CILK1: variants seen among roughly 807,000 people sequenced by gnomAD.
The protein encoded by CILK1 is serine/threonine-protein kinase ICK.
Under a neutral mutation model 79.2 loss-of-function variants are expected in CILK1, and 47 were observed. That is an observed-to-expected ratio of 0.59 (90% CI 0.47 to 0.76). CILK1 has a LOEUF of 0.76. Ranked by LOEUF, CILK1 falls within the 30% of genes least tolerant of loss-of-function variation. CILK1 has a pLI of 0.00. For missense variants in CILK1, 660 were observed against 769.5 expected, an observed-to-expected ratio of 0.86 and a Z score of 1.68; for synonymous variants, 266 against 275.9, an observed-to-expected ratio of 0.96 and a Z score of 0.36.
intron 5 of CILK1, 111 bp from the exon 6 acceptor site, chr6:53,019,470 T>C: frequency 8.0e-7 from 1 of 1,244,064 alleles, no homozygotes; most frequent in Non-Finnish European, 1.1e-6. Context: ...TAGTCTGGCA[T>C]GGCACCAAAG....
At chr6:53,035,872 T>TGAA (rs1302106249) in intron 3 of CILK1, among the ~76,000 whole-genome samples, 2 of 152,074 alleles carry the variant, frequency 1.3e-5, no homozygotes, top group Non-Finnish European at 1.5e-5. Context: ...GCCTCCTTTC[T>TGAA]ACCTGCTTCT....
intron 13 of CILK1, 111 bp from the exon 14 acceptor site, chr6:53,005,414 G>T: frequency 1.7e-6 from 2 of 1,158,730 alleles, no homozygotes; most frequent in Non-Finnish European, 2.5e-6. Flanking sequence ...TTCAAGAGGA[G>T]CATCTTGTCT....
chr6:53,006,165 T>C, intron 13 of CILK1, 150 bp downstream of exon 13: 1 of 669,490 alleles, frequency 1.5e-6, no homozygotes, highest in Non-Finnish European at 2.6e-6. Flanking sequence ...TTACTATATG[T>C]TATATAGCAC....
At chr6:53,039,703 T>G (rs1223436574) in intron 2 of CILK1, among the ~76,000 whole-genome samples, 1 of 152,210 alleles carries the variant, frequency 6.6e-6, no homozygotes, top group African/African-American at 2.4e-5. Flanking sequence ...GAGCAAGGGA[T>G]GTGTTCATGG....
In CILK1 at chr6:53,018,336, T is replaced by C. The variant is rs936019387; in HGVS notation, c.657A>G (p.Pro219=). 1.9e-6 allele frequency: 3 copies of C among 1,614,028 alleles called. No individual in the cohort carries two copies. Among genetic ancestry groups the C allele is most frequent in the Non-Finnish European group, 2.5e-6 (3 of 1,179,992 alleles). ...IFKICQVLGT[P]KKTDWPEGYQ... is the part of the protein sequence containing the mutation. ...CTTTGTTTTGTATCATTACCTTTTTTGGTGTCCCCAGCACTTGGCAAATTT... is the reference window on the plus strand; with the variant it reads ...CTTTGTTTTGTATCATTACCTTTTTCGGTGTCCCCAGCACTTGGCAAATTT... Residue 219 remains proline (P), a synonymous_variant, in exon 7 of 14, where the codon CCA becomes CCG. Coordinates refer to ENST00000676107, the MANE Select transcript of CILK1 (RefSeq NM_014920.5).
In CILK1 at chr6:53,018,343, C is replaced by T. The variant is rs768034512; in HGVS notation, c.650G>A (p.Gly217Glu). Residue 217 changes from glycine to glutamate, a missense_variant, in exon 7 of 14, where the codon GGG (glycine) becomes GAG (glutamate). Gly to Glu is a moderately conservative substitution (Grantham distance 98). Coordinates refer to ENST00000676107, the MANE Select transcript of CILK1 (RefSeq NM_014920.5). ...TTGTATCATTACCTTTTTTGGTGTCCCCAGCACTTGGCAAATTTTGAATAT... is the reference window on the plus strand; with the variant it reads ...TTGTATCATTACCTTTTTTGGTGTCTCCAGCACTTGGCAAATTTTGAATAT... ...DTIFKICQVL[G>E]TPKKTDWPEG... 1.2e-6 allele frequency: 2 copies of T among 1,614,062 alleles called. No homozygotes were observed. The highest frequency in any genetic ancestry group is 1.7e-6 in the Non-Finnish European group (2 of 1,180,016).
chr6:53,033,539 C>T lies in CILK1; in HGVS notation c.157-885G>A, dbSNP rs1766106783. 1.9e-4 allele frequency among the ~76,000 whole-genome samples: 4 copies of T among 20,526 alleles called. 1 individual carries two copies. The Admixed American group carries it at 2.3e-3, about 12-fold the overall frequency. 13.5% of individuals were successfully genotyped at this position (20,526 alleles called of 152,430 possible). A position where few individuals can be genotyped will look rare whatever the true frequency, so the allele number is the denominator to read the frequency against. ...ACCTAAAACTGTTGGTTTGGATAAT[C>T]AGAATCTGATAAGACTGTCTCCTTC... On this transcript the variant is annotated intron_variant, in intron 3 of 13. Transcript: ENST00000676107.
chr6:53,018,020 G>C (rs917535655), intron 7 of CILK1, among the ~76,000 whole-genome samples: 4 of 152,200 alleles, frequency 2.6e-5, no homozygotes, highest in Non-Finnish European at 4.4e-5. Flanking sequence ...CAGCGGCTAA[G>C]GATTACATTC....
In CILK1 at chr6:53,010,683, G is replaced by A. The variant is rs183653336; in HGVS notation, c.1492+1086C>T. The stretch of plus-strand genomic sequence containing the variant: ...GTTTCCTCTCTCCCTGGTGTGCTCT[G>A]CCCTCAGCTCTCTGCACATTTGGTT... On this transcript the variant is annotated intron_variant, in intron 11 of 13. Coordinates refer to ENST00000676107, the MANE Select transcript of CILK1 (RefSeq NM_014920.5). Among the ~76,000 whole-genome samples the A allele has an allele frequency of 4.6e-5, 7 of 152,286 alleles. No individual in the cohort carries two copies. In the East Asian group the frequency reaches 1.3e-3, roughly 29 times the overall value.
chr6:53,005,803 C>G (rs1050511026), intron 13 of CILK1, among the ~76,000 whole-genome samples: 7 of 152,126 alleles, frequency 4.6e-5, no homozygotes, highest in African/African-American at 1.2e-4. Flanking sequence ...ACTCAGAATC[C>G]ATGACAATGT....
chr6:53,031,454 C>T (rs1255347053), intron 4 of CILK1, among the ~76,000 whole-genome samples: 1 of 152,044 alleles, frequency 6.6e-6, no homozygotes. Context: ...TAACATTTTC[C>T]TCCTGGCTGG....
chr6:53,037,143 G>C (rs1766393709), intron 3 of CILK1, among the ~76,000 whole-genome samples: 5 of 152,112 alleles, frequency 3.3e-5, no homozygotes, highest in Admixed American at 2.0e-4. Context: ...CTGGGTGAGA[G>C]GACTAAAATT....
chr6:53,027,237 CTT>C (rs987440918), intron 5 of CILK1, among the ~76,000 whole-genome samples: 1 of 152,266 alleles, frequency 6.6e-6, no homozygotes, highest in Non-Finnish European at 1.5e-5. Flanking sequence ...AGAACCATCT[CTT>C]GGTGCAAAAC....
intron 3 of CILK1, among the ~76,000 whole-genome samples, chr6:53,033,562 T>C (rs1766110775): frequency 6.6e-6 from 1 of 152,166 alleles, no homozygotes; most frequent in Non-Finnish European, 1.5e-5. Flanking sequence ...GACTGTCTCC[T>C]TCATGAAAGC....
intron 3 of CILK1, among the ~76,000 whole-genome samples, chr6:53,034,986 G>A (rs890553750): frequency 6.6e-6 from 1 of 152,150 alleles, no homozygotes; most frequent in Non-Finnish European, 1.5e-5. Context: ...GACGAAGGAT[G>A]AGAATCAACC....
intron 5 of CILK1, 88 bp downstream of exon 5, chr6:53,030,977 C>A: frequency 2.2e-6 from 2 of 914,600 alleles, no homozygotes; most frequent in Admixed American, 1.8e-5. Flanking sequence ...TGGGAGTCAG[C>A]TACAAAAAAT....
chr6:53,014,431 T>G (rs1764774491), intron 8 of CILK1, among the ~76,000 whole-genome samples: 1 of 152,230 alleles, frequency 6.6e-6, no homozygotes, highest in South Asian at 2.1e-4. Flanking sequence ...GCACATATGC[T>G]TTTATCCCAA....
intron 5 of CILK1, among the ~76,000 whole-genome samples, chr6:53,021,784 CCTT>C (rs1363485534): frequency 6.7e-6 from 1 of 150,196 alleles, no homozygotes; most frequent in Non-Finnish European, 1.5e-5. Flanking sequence ...GAATTGTACT[CCTT>C]CTACTTACTA....
chr6:53,028,216 C>T (rs1765705011), intron 5 of CILK1, among the ~76,000 whole-genome samples: 2 of 151,032 alleles, frequency 1.3e-5, no homozygotes, highest in Admixed American at 1.3e-4. Context: ...CTCAGGTGGC[C>T]GAGGCATGAG....
Sources: gnomAD v4.1 joint callset for allele counts (sites outside exome capture counted in the v4.1 genomes callset) on GRCh38, gnomAD v4.1.1 for gene constraint, MANE v1.5 for transcripts, NCBI Gene and HGNC (gene_info 2026-07-23, HGNC 2026-07-21) for gene names.